Variants in TMEM132C observed in about 807,000 individuals in gnomAD.
TMEM132C encodes the protein protein phosphatase 1, regulatory subunit 152.
In TMEM132C, 29 loss-of-function variants were observed where a neutral mutation model predicts 61.4. The observed-to-expected ratio is 0.47, with a 90% CI of 0.35 to 0.64. The LOEUF (loss-of-function observed/expected upper bound fraction) is 0.64. Ranked by LOEUF, TMEM132C falls within the 30% of genes least tolerant of loss-of-function variation. The pLI is 0.00. For synonymous variants in TMEM132C, 656 were observed against 633.1 expected (o/e 1.04, Z -0.54); for missense variants, 1,408 against 1,476.9 (o/e 0.95, Z 0.76).
At chr12:128,554,476 T>C (rs950022493) in intron 3 of TMEM132C, among the ~76,000 whole-genome samples, 1 of 152,246 alleles carries the variant, frequency 6.6e-6, no homozygotes, top group African/African-American at 2.4e-5. Flanking sequence ...TTTGCTTGGA[T>C]GTTTAAAATC....
At chr12:128,562,390 A>G (rs961153092) in intron 3 of TMEM132C, among the ~76,000 whole-genome samples, 6 of 152,176 alleles carry the variant, frequency 3.9e-5, no homozygotes, top group African/African-American at 7.2e-5. Flanking sequence ...GCTGTTCTCC[A>G]TGCCTTTCCT....
intron 2 of TMEM132C, among the ~76,000 whole-genome samples, chr12:128,422,368 G>T (rs1593047794): frequency 6.6e-6 from 1 of 152,180 alleles, no homozygotes; most frequent in Non-Finnish European, 1.5e-5. Context: ...TTGCGGGTAG[G>T]GGGTGTGAAT....
At chr12:128,678,034 A>G (rs1207397633) in intron 5 of TMEM132C, among the ~76,000 whole-genome samples, 1 of 152,220 alleles carries the variant, frequency 6.6e-6, no homozygotes, top group Non-Finnish European at 1.5e-5. Context: ...TGCAGGCTCC[A>G]AGTCCTTGAG....
Position 128,546,187 on chromosome 12 carries a change from T to A in TMEM132C, c.1121+2084T>A, listed in dbSNP as rs1365897545. Reference sequence around the variant, plus strand: ...GGTGAGGTCAGGGACAAGGGTTGGGTGTCTGAATCTTTGATTTGTGAAAAC... The same window carrying A: ...GGTGAGGTCAGGGACAAGGGTTGGGAGTCTGAATCTTTGATTTGTGAAAAC... On this transcript the variant is annotated intron_variant, in intron 3 of 8. Transcript: ENST00000435159. Among the ~76,000 whole-genome samples, 3 of 152,136 alleles carry A rather than the reference T, an allele frequency of 2.0e-5. No individual in the cohort carries two copies. The East Asian group carries it at 5.8e-4, about 29-fold the overall frequency.
intron 2 of TMEM132C, among the ~76,000 whole-genome samples, chr12:128,531,974 G>A (rs10847634): frequency 0.39 from 59,942 of 152,024 alleles, 14,419 homozygotes; most frequent in African/African-American, 0.68. Context: ...CACAAGAACG[G>A]TAATTTTCAA....
chr12:128,436,591 A>G (rs890720648), intron 2 of TMEM132C, among the ~76,000 whole-genome samples: 1 of 152,214 alleles, frequency 6.6e-6, no homozygotes, highest in African/African-American at 2.4e-5. Context: ...CAAAAACACA[A>G]TGAGATACCA....
chr12:128,449,467 T>C (rs1870110306), intron 2 of TMEM132C, among the ~76,000 whole-genome samples: 2 of 152,222 alleles, frequency 1.3e-5, no homozygotes, highest in Non-Finnish European at 2.9e-5. Flanking sequence ...TAGAAACAAG[T>C]AGACCAGATA....
At chr12:128,467,488 A>T (rs1157487410) in intron 2 of TMEM132C, among the ~76,000 whole-genome samples, 1 of 152,150 alleles carries the variant, frequency 6.6e-6, no homozygotes, top group Admixed American at 6.5e-5. Flanking sequence ...AGCAATTGTT[A>T]TGGATGATTG....
chr12:128,541,027 G>GTCTCTC (rs71449354), intron 2 of TMEM132C, among the ~76,000 whole-genome samples: 20,337 of 149,582 alleles, frequency 0.14, 1,584 homozygotes, highest in Middle Eastern at 0.23. Flanking sequence ...CTCTTTCTCT[G>GTCTCTC]TCTCTCTCTC....
intron 2 of TMEM132C, among the ~76,000 whole-genome samples, chr12:128,453,792 G>C (rs1870256647): frequency 1.3e-5 from 2 of 152,168 alleles, no homozygotes; most frequent in South Asian, 4.1e-4. Context: ...GGCAGTTTCA[G>C]AATAAGAAGA....
intron 1 of TMEM132C, among the ~76,000 whole-genome samples, chr12:128,386,305 T>C (rs941288826): frequency 2.0e-5 from 3 of 152,212 alleles, no homozygotes; most frequent in African/African-American, 7.2e-5. Flanking sequence ...CGCCAACATT[T>C]AACCCTCTAT....
chr12:128,358,540 G>A (rs1281212321), intron 1 of TMEM132C, among the ~76,000 whole-genome samples: 2 of 142,096 alleles, frequency 1.4e-5, no homozygotes, highest in Non-Finnish European at 3.1e-5. Flanking sequence ...GTGCATGTGC[G>A]CCTGAACTTC....
At chr12:128,459,884 CA>C (rs71069569) in intron 2 of TMEM132C, among the ~76,000 whole-genome samples, 73 of 82,180 alleles carry the variant, frequency 8.9e-4, no homozygotes, top group African/African-American at 3.0e-3. Flanking sequence ...GACTCTGTCT[CA>C]AAAAAAAAAA....
chr12:128,673,769 T>C (rs1954557608), intron 5 of TMEM132C, among the ~76,000 whole-genome samples: 1 of 152,204 alleles, frequency 6.6e-6, no homozygotes, highest in Non-Finnish European at 1.5e-5. Flanking sequence ...GTCTCCTTCT[T>C]AGTAAAGTGA....
At chr12:128,292,516 A>G (rs892883610) in intron 1 of TMEM132C, among the ~76,000 whole-genome samples, 3 of 152,076 alleles carry the variant, frequency 2.0e-5, no homozygotes, top group South Asian at 2.1e-4. Flanking sequence ...CCTGGTACCT[A>G]GATGAGTGCT....
chr12:128,379,413 C>G (rs1874330286), intron 1 of TMEM132C, among the ~76,000 whole-genome samples: 2 of 152,186 alleles, frequency 1.3e-5, no homozygotes, highest in Non-Finnish European at 1.5e-5. Context: ...ATTCCAGTTG[C>G]CTGGGACTGC....
chr12:128,600,234 G>A (rs1181431022), intron 3 of TMEM132C, among the ~76,000 whole-genome samples: 15 of 152,034 alleles, frequency 9.9e-5, no homozygotes, highest in Admixed American at 2.6e-4. Flanking sequence ...TGCCCACCTC[G>A]GCCTCCCAAA....
intron 2 of TMEM132C, among the ~76,000 whole-genome samples, chr12:128,457,533 G>A (rs191759745): frequency 8.5e-4 from 126 of 149,108 alleles, no homozygotes; most frequent in African/African-American, 3.1e-3. Context: ...CCGAGATCGC[G>A]CCACTGCACT....
At chr12:128,426,363 C>A (rs893349420) in intron 2 of TMEM132C, among the ~76,000 whole-genome samples, 1 of 152,196 alleles carries the variant, frequency 6.6e-6, no homozygotes, top group African/African-American at 2.4e-5. Flanking sequence ...TTGGCTCTTT[C>A]TTTCCTACTG....
Sources: allele counts gnomAD v4.1 joint callset (sites outside exome capture counted in the v4.1 genomes callset), GRCh38; gene constraint gnomAD v4.1.1; transcripts MANE v1.5; gene names NCBI Gene and HGNC (gene_info 2026-07-23, HGNC 2026-07-21).